The following MEIOC variants were observed in gnomAD, a reference collection of about 807,000 sequenced individuals.
MEIOC encodes the protein meiosis-specific coiled-coil domain-containing protein MEIOC.
In MEIOC, 9 loss-of-function variants were observed where a neutral mutation model predicts 85.3. The observed-to-expected ratio is 0.11, with a 90% CI of 0.06 to 0.18. The LOEUF (loss-of-function observed/expected upper bound fraction) is 0.18, where lower values mean the gene tolerates loss of function less well. Among genes scored for constraint, MEIOC ranks in the 10% least tolerant of loss-of-function variants. The probability of loss-of-function intolerance (pLI) is 1.00; values close to 1 mark genes in which losing one functional copy is unlikely to be tolerated. For missense variants in MEIOC, 898 were observed against 1,129.4 expected, an observed-to-expected ratio of 0.80 and a Z score of 2.94; for synonymous variants, 365 against 393.7, an observed-to-expected ratio of 0.93 and a Z score of 0.86.
intron 1 of MEIOC, 79 bp from the exon 2 acceptor site, chr17:44,657,048 G>A (rs1971769020): frequency 6.1e-6 from 9 of 1,466,360 alleles, no homozygotes; most frequent in Non-Finnish European, 8.2e-6. Flanking sequence ...AGCCGAGGTA[G>A]AACAGGTGTC....
chr17:44,661,792 C>G (rs539684105), intron 2 of MEIOC, among the ~76,000 whole-genome samples: 51 of 152,218 alleles, frequency 3.4e-4, no homozygotes, highest in African/African-American at 1.2e-3. Context: ...GATCCGCCCA[C>G]CTCGGCCTCC....
Position 44,674,566 on chromosome 17 carries a change from C to A in MEIOC, c.*370C>A. The A allele has an allele frequency of 1.0e-6, 1 of 1,003,290 alleles. No homozygotes were observed. The allele number at this position is 1,003,290 out of a possible 1,614,324, so 62.1% of individuals were successfully genotyped here. ...AGGTTTGTCTTAGTTAAGTATAATT[C>A]CAAATAATGAATCTAAGTGACTGTA... On this transcript the variant is annotated 3_prime_UTR_variant, in exon 8 of 8. Coordinates refer to ENST00000409122, the MANE Select transcript of MEIOC (RefSeq NM_001145080.3).
rs933362143 is a variant in MEIOC at position 44,666,559 on chromosome 17, A to G, written c.648A>G (p.Pro216=). ...ACCTGCGTAACAGTAATCTCACACCACAACAAAAAATAGATGAACTTCATC... is the reference window on the plus strand; with the variant it reads ...ACCTGCGTAACAGTAATCTCACACCGCAACAAAAAATAGATGAACTTCATC... ...KQYLRNSNLT[P]QQKIDELHHG... is the part of the protein sequence containing the mutation. Residue 216 remains proline, a synonymous_variant, in exon 5 of 8, where the codon CCA becomes CCG. Transcript: ENST00000409122. The G allele has an allele frequency of 1.9e-5, 31 of 1,610,178 alleles. No homozygotes were observed. The Admixed American group carries it at 2.5e-4, about 13-fold the overall frequency.
At chr17:44,657,369 C>G (rs1002609198) in intron 2 of MEIOC, 108 bp downstream of exon 2, 1 of 900,078 alleles carries the variant, frequency 1.1e-6, no homozygotes, top group East Asian at 3.0e-5. Flanking sequence ...AAGAGAAAAC[C>G]AGGGAAAACT....
intron 6 of MEIOC, chr17:44,670,179 C>CT: frequency 6.9e-6 from 1 of 145,368 alleles, no homozygotes. Context: ...GGGAAGATAG[C>CT]TTGAGCCTGG....
chr17:44,659,375 TTCAGTTCAC>T (rs1971815477), intron 2 of MEIOC, among the ~76,000 whole-genome samples: 1 of 152,214 alleles, frequency 6.6e-6, no homozygotes, highest in Non-Finnish European at 1.5e-5. Context: ...TGGATTTAAT[TTCAGTTCAC>T]TGTTTTAAGT....
At chr17:44,676,246 AC>A (rs1972073025), downstream of MEIOC, 1 of 152,198 alleles carries the variant, frequency 6.6e-6, no homozygotes, top group South Asian at 2.1e-4. Context: ...AACCTATAAA[AC>A]ATTGTACTTC....
intron 3 of MEIOC, among the ~76,000 whole-genome samples, chr17:44,664,897 G>A (rs887532586): frequency 6.6e-6 from 1 of 152,100 alleles, no homozygotes; most frequent in Non-Finnish European, 1.5e-5. Context: ...TGACCATATC[G>A]CATTTCACTT....
At chr17:44,675,831 T>A, downstream of MEIOC, 1 of 837,000 alleles carries the variant, frequency 1.2e-6, no homozygotes, top group Non-Finnish European at 1.4e-6. Flanking sequence ...ATTCATATGT[T>A]TCTAACCTTA....
chr17:44,672,459 AACTT>A (rs1972027268), intron 6 of MEIOC, among the ~76,000 whole-genome samples: 2 of 152,178 alleles, frequency 1.3e-5, no homozygotes, highest in Non-Finnish European at 2.9e-5. Context: ...ATTATGAAGA[AACTT>A]AATACGAGTT....
Position 44,667,915 on chromosome 17 carries a change from T to A in MEIOC, c.2004T>A (p.Asn668Lys), listed in dbSNP as rs773675107. 6.2e-7 allele frequency: 1 copy of A among 1,613,862 alleles called. No individual in the cohort carries two copies. Among genetic ancestry groups the A allele is most frequent in the Admixed American group, 1.7e-5 (1 of 60,006 alleles). The change falls in exon 5 of 8, where the codon AAT (asparagine) becomes AAA (lysine). Residue 668 changes from asparagine to lysine, a missense_variant. This residue lies in a region of MEIOC where 734 missense variants were observed against 860.1 expected (regional missense o/e 0.85). Transcript: ENST00000409122. ...CACAAGTGTCATGCTTTTCTAATAA[T>A]TATATGATGGGAGATTTAAGGCATA... is the stretch of plus-strand genomic sequence containing the variant. ...NRTQVSCFSNNYMMGDLRHNQ... is the reference protein window; with the variant it reads ...NRTQVSCFSNKYMMGDLRHNQ...
rs1052106703 is a variant in MEIOC, at chr17:44,666,655, C to A, written c.744C>A (p.His248Gln). 1.9e-6 allele frequency: 3 copies of A among 1,611,764 alleles called. No homozygotes were observed. The highest frequency in any genetic ancestry group is 1.7e-5 in the Admixed American group (1 of 59,644). The change falls in exon 5 of 8, where the codon CAC becomes CAA. Residue 248 changes from histidine (H) to glutamine (Q), a missense_variant. By Grantham distance (24) the His-to-Gln change is conservative. Coordinates refer to ENST00000409122, the MANE Select transcript of MEIOC (RefSeq NM_001145080.3). ...YPSRSDHSNC[H>Q]NIQTNDTAKT... ...CACGAAGTGATCATTCTAACTGTCACAATATTCAGACAAATGATACAGCTA... is the reference window on the plus strand; with the variant it reads ...CACGAAGTGATCATTCTAACTGTCAAAATATTCAGACAAATGATACAGCTA...
intron 2 of MEIOC, 112 bp downstream of exon 2, chr17:44,657,373 G>A: frequency 1.3e-5 from 11 of 830,282 alleles, no homozygotes; most frequent in South Asian, 2.2e-5. Context: ...GAAAACCAGG[G>A]AAAACTTTTT....
In MEIOC at chr17:44,667,762, T is replaced by C. The variant is rs74630373; in HGVS notation, c.1851T>C (p.Tyr617=). 1.4e-4 allele frequency: 231 copies of C among 1,613,920 alleles called. 1 individual carries two copies. In the East Asian group the frequency reaches 4.8e-3, roughly 33 times the overall value. The change falls in exon 5 of 8, where the codon TAT becomes TAC. Residue 617 remains tyrosine, a synonymous_variant. Coordinates refer to ENST00000409122, the MANE Select transcript of MEIOC (RefSeq NM_001145080.3). ...AAGCCAAGCCCCAGAGTGGACATTA[T>C]GATCCTGAGGAAGGTCCAAAGCATT... is the stretch of plus-strand genomic sequence containing the variant. ...NFQAKPQSGH[Y]DPEEGPKHLD...
intron 2 of MEIOC, 46 bp from the exon 3 acceptor site, chr17:44,662,270 CA>C: frequency 7.2e-7 from 1 of 1,389,978 alleles, no homozygotes; most frequent in Non-Finnish European, 9.8e-7. Flanking sequence ...TATTCTACAA[CA>C]AATGAAGTTT....
chr17:44,669,128 G>A (rs1011576652), intron 5 of MEIOC, among the ~76,000 whole-genome samples: 1 of 151,892 alleles, frequency 6.6e-6, no homozygotes, highest in African/African-American at 2.4e-5. Context: ...GCTTGAACCC[G>A]GGAAACGGAG....
chr17:44,675,888 ATAC>A (rs1414494112), downstream of MEIOC: 1 of 454,082 alleles, frequency 2.2e-6, no homozygotes, highest in East Asian at 1.5e-4. Flanking sequence ...TTAAGAACTT[ATAC>A]TAAGTTTTAG....
chr17:44,657,378 C>CTTTTTT (rs35032511), intron 2 of MEIOC, 117 bp downstream of exon 2: 4 of 296,048 alleles, frequency 1.4e-5, no homozygotes, highest in Admixed American at 6.3e-5. Context: ...CCAGGGAAAA[C>CTTTTTT]TTTTTTTTTT....
At position 44,662,333 on chromosome 17, in the gene MEIOC, ACCT is replaced by A; in HGVS notation, c.222_224del (p.Asp74_Leu75delinsGlu). The A allele has an allele frequency of 1.9e-6, 3 of 1,546,490 alleles. No individual in the cohort carries two copies. Among genetic ancestry groups the A allele is most frequent in the Non-Finnish European group, 2.6e-6 (3 of 1,145,458 alleles). On this transcript the variant is annotated inframe_deletion, in exon 3 of 8. Coordinates refer to ENST00000409122, the MANE Select transcript of MEIOC (RefSeq NM_001145080.3). Reference sequence around the variant, plus strand: ...AACTTTCAGAGTGAAGACAATGTAGACCTAAGGCAGACCTATACTCCATTTTCT... The same window carrying A: ...AACTTTCAGAGTGAAGACAATGTAGAAAGGCAGACCTATACTCCATTTTCT...
Sources: gnomAD v4.1 joint callset for allele counts (sites outside exome capture counted in the v4.1 genomes callset) on GRCh38, gnomAD v4.1.1 for gene constraint, gnomAD v4.1.1 regional missense constraint, MANE v1.5 for transcripts, NCBI Gene and HGNC (gene_info 2026-07-23, HGNC 2026-07-21) for gene names.